PPP2R5E: variants seen among roughly 807,000 people sequenced by gnomAD.
PPP2R5E encodes protein phosphatase 2 regulatory subunit B'epsilon.
In PPP2R5E, 4 loss-of-function variants were observed where a neutral mutation model predicts 65.3. The observed-to-expected ratio is 0.06, with a 90% CI of 0.03 to 0.14. The LOEUF (loss-of-function observed/expected upper bound fraction) is 0.14. Ranked by LOEUF, PPP2R5E falls within the 10% of genes least tolerant of loss-of-function variation. PPP2R5E has a pLI of 1.00. For synonymous variants in PPP2R5E, 183 were observed against 187.4 expected (o/e 0.98, Z 0.19); for missense variants, 274 against 556.1 (o/e 0.49, Z 5.10).
At chr14:63,427,085 G>A (rs186414406) in intron 3 of PPP2R5E, among the ~76,000 whole-genome samples, 164 of 152,226 alleles carry the variant, frequency 1.1e-3, no homozygotes, top group African/African-American at 3.7e-3. Context: ...TATAGTTTAC[G>A]GTTAAATGGA....
chr14:63,391,624 T>C (rs1885028815), intron 10 of PPP2R5E, among the ~76,000 whole-genome samples, 193 bp downstream of exon 10: 1 of 152,176 alleles, frequency 6.6e-6, no homozygotes, highest in South Asian at 2.1e-4. Context: ...GGTTTCTCCA[T>C]GTTGGTCAGG....
intron 2 of PPP2R5E, among the ~76,000 whole-genome samples, chr14:63,473,831 T>C (rs150506283): frequency 1.3e-5 from 2 of 152,250 alleles, no homozygotes; most frequent in East Asian, 3.9e-4. Context: ...AAATTCTAAT[T>C]AGTGATGTCA....
At chr14:63,429,184 T>G (rs753011411) in intron 3 of PPP2R5E, among the ~76,000 whole-genome samples, 3 of 152,222 alleles carry the variant, frequency 2.0e-5, no homozygotes, top group Non-Finnish European at 4.4e-5. Flanking sequence ...CTTTGTGATT[T>G]AGAATGTATT....
At chr14:63,485,750 C>CT (rs1430011030) in intron 2 of PPP2R5E, among the ~76,000 whole-genome samples, 5 of 151,206 alleles carry the variant, frequency 3.3e-5, no homozygotes, top group African/African-American at 1.2e-4. Context: ...AAATAAAAGT[C>CT]TGCAAGTGTT....
chr14:63,470,484 T>C (rs1366430230), intron 2 of PPP2R5E, among the ~76,000 whole-genome samples: 1 of 151,388 alleles, frequency 6.6e-6, no homozygotes, highest in Non-Finnish European at 1.5e-5. Flanking sequence ...AAAACCGACT[T>C]GCCCTCTGAT....
In PPP2R5E at chr14:63,539,599, C is replaced by A. The variant is rs764048030; in HGVS notation, c.87G>T (p.Arg29Ser). ...RKSVRKARQK[R>S]SQSSSQFRSQ... ...ACCTAAACTGTGAGGAACTTTGCGA[C>A]CTCTTCTGTCTGGCTTTTCTGACGG... The change falls in exon 2 of 14, where the codon AGG (arginine) becomes AGT (serine). Residue 29 changes from arginine (R) to serine (S), a missense_variant. Physicochemically the swap from Arg to Ser is moderately radical, Grantham distance 110. Transcript: ENST00000337537. 1.2e-6 allele frequency: 2 copies of A among 1,614,066 alleles called. No individual in the cohort carries two copies. Among genetic ancestry groups the A allele is most frequent in the East Asian group, 4.5e-5 (2 of 44,872 alleles).
At chr14:63,532,910 C>G (rs1425286795) in intron 2 of PPP2R5E, among the ~76,000 whole-genome samples, 1 of 152,250 alleles carries the variant, frequency 6.6e-6, no homozygotes, top group African/African-American at 2.4e-5. Context: ...TCACAGCTCA[C>G]TGCAGCGTCG....
intron 2 of PPP2R5E, among the ~76,000 whole-genome samples, chr14:63,459,941 T>C (rs765195980): frequency 3.3e-5 from 5 of 152,144 alleles, no homozygotes; most frequent in Non-Finnish European, 5.9e-5. Flanking sequence ...CTATAATAGG[T>C]GAATGTCGAG....
intron 5 of PPP2R5E, among the ~76,000 whole-genome samples, chr14:63,403,976 A>C (rs1885917569): frequency 6.6e-6 from 1 of 152,158 alleles, no homozygotes; most frequent in African/African-American, 2.4e-5. Context: ...GACATAAATA[A>C]AATCTAAAAT....
chr14:63,462,313 G>A (rs535320194), intron 2 of PPP2R5E, among the ~76,000 whole-genome samples: 5 of 152,082 alleles, frequency 3.3e-5, no homozygotes, highest in Admixed American at 2.0e-4. Flanking sequence ...TTCATGATCC[G>A]CCCACCTCGG....
At chr14:63,463,382 G>A (rs562524363) in intron 2 of PPP2R5E, among the ~76,000 whole-genome samples, 2 of 150,374 alleles carry the variant, frequency 1.3e-5, no homozygotes, top group South Asian at 2.1e-4. Context: ...CCTCGTGATC[G>A]CCCACCTCGG....
intron 5 of PPP2R5E, among the ~76,000 whole-genome samples, chr14:63,406,605 C>T (rs1312374678): frequency 2.0e-5 from 3 of 152,166 alleles, no homozygotes; most frequent in Non-Finnish European, 4.4e-5. Context: ...TCCATCACTC[C>T]TTTGGTCATA....
At chr14:63,384,639 T>C (rs1884552503) in intron 11 of PPP2R5E, 68 bp from the exon 12 acceptor site, 3 of 1,367,098 alleles carry the variant, frequency 2.2e-6, no homozygotes, top group Non-Finnish European at 3.0e-6. Context: ...ATTATAAATC[T>C]TTCCAAACAA....
intron 11 of PPP2R5E, among the ~76,000 whole-genome samples, chr14:63,386,697 T>C (rs948148980): frequency 6.6e-6 from 1 of 151,374 alleles, no homozygotes; most frequent in Non-Finnish European, 1.5e-5. Context: ...CCAAGGTGGG[T>C]GGATCATTTG....
Position 63,393,920 on chromosome 14 carries a change from T to C in PPP2R5E, c.749A>G (p.Asn250Ser), listed in dbSNP as rs949723341. 2.5e-6 allele frequency: 4 copies of C among 1,589,696 alleles called. No homozygotes were observed. The highest frequency in any genetic ancestry group is 1.7e-5 in the Admixed American group (1 of 59,782). The change falls in exon 8 of 14, where the codon AAT (asparagine) becomes AGT (serine). Residue 250 changes from asparagine (N) to serine (S), a missense_variant. Transcript: ENST00000337537. ...TGCCTTAAGAGGTAAAGCAAAGCCA[T>C]TGATAATACTAGGGAGAAAAAAGAG... ...ELLEILGSII[N>S]GFALPLKAEH...
chr14:63,492,920 T>C (rs936679486), intron 2 of PPP2R5E, among the ~76,000 whole-genome samples: 14 of 152,104 alleles, frequency 9.2e-5, no homozygotes, highest in Non-Finnish European at 1.8e-4. Flanking sequence ...TCATAGAAGA[T>C]ACCAGGCTTC....
chr14:63,439,189 A>C (rs1888083127), intron 3 of PPP2R5E, among the ~76,000 whole-genome samples: 1 of 152,212 alleles, frequency 6.6e-6, no homozygotes, highest in East Asian at 1.9e-4. Context: ...AATAATGATA[A>C]TAATGATATG....
intron 2 of PPP2R5E, among the ~76,000 whole-genome samples, chr14:63,510,502 A>T (rs907207688): frequency 1.3e-5 from 2 of 152,258 alleles, no homozygotes; most frequent in Non-Finnish European, 2.9e-5. Context: ...ACTGGTAAGC[A>T]AGAATGTTAT....
At chr14:63,415,011 TTA>T (rs111300116) in intron 5 of PPP2R5E, 127 bp downstream of exon 5, 26,574 of 397,744 alleles carry the variant, frequency 0.067, no homozygotes, top group South Asian at 0.095. Flanking sequence ...TAACTTATGT[TTA>T]TATATATATA....
Sources: gnomAD v4.1 joint callset for allele counts (sites outside exome capture counted in the v4.1 genomes callset) on GRCh38, gnomAD v4.1.1 for gene constraint, MANE v1.5 for transcripts, NCBI Gene and HGNC (gene_info 2026-07-23, HGNC 2026-07-21) for gene names.